Variants in SLC16A12 observed in about 807,000 individuals in gnomAD.
The protein encoded by SLC16A12 is monocarboxylate transporter 12.
A neutral mutation model predicts 42.4 loss-of-function variants in SLC16A12; 17 were observed. The observed-to-expected ratio is 0.40, with a 90% CI of 0.27 to 0.60. The LOEUF (loss-of-function observed/expected upper bound fraction) is 0.60, where lower values mean the gene tolerates loss of function less well. Ranked by LOEUF, SLC16A12 falls within the 20% of genes least tolerant of loss-of-function variation. The probability of loss-of-function intolerance (pLI) is 0.42; values close to 1 mark genes in which losing one functional copy is unlikely to be tolerated. For synonymous variants in SLC16A12, 224 were observed against 229.4 expected (o/e 0.98, Z 0.21); for missense variants, 544 against 623.0 (o/e 0.87, Z 1.35).
rs1843430434 is a variant in SLC16A12, at chr10:89,525,242, A to G, written c.-47+9259T>C. On this transcript the variant is annotated intron_variant, in intron 2 of 7. Coordinates refer to ENST00000371790, the MANE Select transcript of SLC16A12 (RefSeq NM_213606.4). ...TATCAAAAAAAAAAAAAAAAAAAAA[A>G]AAAGCTAAACTGAAATTTCACCTTA... Among the ~76,000 whole-genome samples, 2 of 151,708 alleles carry G rather than the reference A, an allele frequency of 1.3e-5. 1 individual carries two copies. The highest frequency in any genetic ancestry group is 4.2e-4 in the South Asian group (2 of 4,804).
At chr10:89,555,479 A>ATATATACGTATATATACG (rs1346352982) in intron 2 of SLC16A12, among the ~76,000 whole-genome samples, 2 of 147,306 alleles carry the variant, frequency 1.4e-5, no homozygotes, top group South Asian at 2.1e-4. Context: ...ATATATGTGT[A>ATATATACGTATATATACG]TATATACGTA....
chr10:89,528,164 G>T (rs1348260835), intron 2 of SLC16A12, among the ~76,000 whole-genome samples: 1 of 152,128 alleles, frequency 6.6e-6, no homozygotes, highest in Non-Finnish European at 1.5e-5. Context: ...TAAGGCCACT[G>T]CACTCCAGCC....
chr10:89,442,072 T>C (rs1841921428), intron 4 of SLC16A12, among the ~76,000 whole-genome samples: 1 of 152,164 alleles, frequency 6.6e-6, no homozygotes, highest in African/African-American at 2.4e-5. Flanking sequence ...TAAGGAAAAA[T>C]TCATGCTGAC....
upstream of SLC16A12, among the ~76,000 whole-genome samples, chr10:89,536,573 G>C (rs1468757425): frequency 6.6e-6 from 1 of 152,014 alleles, no homozygotes; most frequent in Middle Eastern, 3.2e-3. Context: ...CGTAGGACAG[G>C]TTCCAGGCGA....
At chr10:89,511,450 AC>A (rs1225210311) in intron 2 of SLC16A12, among the ~76,000 whole-genome samples, 3 of 152,146 alleles carry the variant, frequency 2.0e-5, no homozygotes, top group African/African-American at 4.8e-5. Flanking sequence ...GAAACTGGAA[AC>A]CCATCATTCT....
intron 5 of SLC16A12, among the ~76,000 whole-genome samples, chr10:89,440,043 C>T (rs1221733215): frequency 7.8e-6 from 1 of 128,184 alleles, no homozygotes; most frequent in Non-Finnish European, 1.6e-5. Context: ...TGCACTCCAG[C>T]CTGAGGACCG....
chr10:89,476,081 T>G (rs533785700), intron 2 of SLC16A12, among the ~76,000 whole-genome samples: 2 of 152,218 alleles, frequency 1.3e-5, no homozygotes, highest in Non-Finnish European at 2.9e-5. Flanking sequence ...TCAATACTTG[T>G]GTAGTTCCAT....
chr10:89,551,779 C>A (rs572258306), intron 2 of SLC16A12, among the ~76,000 whole-genome samples: 1 of 152,136 alleles, frequency 6.6e-6, no homozygotes, highest in Non-Finnish European at 1.5e-5. Flanking sequence ...TGCCTTCTGC[C>A]ATGATTCTGA....
intron 2 of SLC16A12, among the ~76,000 whole-genome samples, chr10:89,493,494 C>CT (rs1429364771): frequency 2.0e-5 from 3 of 152,152 alleles, no homozygotes; most frequent in Non-Finnish European, 4.4e-5. Flanking sequence ...AATGAATTCG[C>CT]TTTTTACTTT....
At chr10:89,448,691 T>C (rs1462625649) in intron 3 of SLC16A12, among the ~76,000 whole-genome samples, 2 of 152,174 alleles carry the variant, frequency 1.3e-5, no homozygotes, top group Non-Finnish European at 2.9e-5. Flanking sequence ...CTTTGAAAAC[T>C]GGCACAAGAC....
intron 2 of SLC16A12, among the ~76,000 whole-genome samples, chr10:89,531,898 T>C (rs2133871621): frequency 6.6e-6 from 1 of 152,354 alleles, no homozygotes; most frequent in African/African-American, 2.4e-5. Context: ...CTGCCTGCTC[T>C]CTCTTCTTCC....
intron 3 of SLC16A12, among the ~76,000 whole-genome samples, chr10:89,448,217 C>T (rs1405242634): frequency 6.6e-6 from 1 of 152,118 alleles, no homozygotes; most frequent in Admixed American, 6.5e-5. Flanking sequence ...TGAAACTATT[C>T]CAATCAGGAG....
intron 2 of SLC16A12, among the ~76,000 whole-genome samples, chr10:89,510,128 A>G (rs529013897): frequency 6.6e-6 from 1 of 152,364 alleles, no homozygotes; most frequent in Non-Finnish European, 1.5e-5. Flanking sequence ...ATGGATAGGA[A>G]GGATCAATAT....
intron 2 of SLC16A12, among the ~76,000 whole-genome samples, chr10:89,519,346 CATGT>C (rs1289844931): frequency 6.6e-6 from 1 of 151,994 alleles, no homozygotes; most frequent in Admixed American, 6.6e-5. Flanking sequence ...CAAACCTGCA[CATGT>C]ATCCCCTAAA....
chr10:89,543,397 A>T (rs1362319172), intron 2 of SLC16A12, among the ~76,000 whole-genome samples: 2 of 152,250 alleles, frequency 1.3e-5, no homozygotes, highest in African/African-American at 4.8e-5. Context: ...TTCACGGCTT[A>T]GCTCCCCCTC....
At chr10:89,518,156 G>C (rs1843286833) in intron 2 of SLC16A12, among the ~76,000 whole-genome samples, 1 of 152,210 alleles carries the variant, frequency 6.6e-6, no homozygotes, top group East Asian at 1.9e-4. Flanking sequence ...GGCAGTCCCT[G>C]GGCCTCCATG....
At chr10:89,493,219 CTTTTT>C (rs35163833) in intron 2 of SLC16A12, among the ~76,000 whole-genome samples, 2 of 140,584 alleles carry the variant, frequency 1.4e-5, no homozygotes. Flanking sequence ...TTTTTTCTTT[CTTTTT>C]TTTTTTTTTT....
intron 2 of SLC16A12, among the ~76,000 whole-genome samples, chr10:89,519,641 GA>G (rs1223684073): frequency 6.6e-6 from 1 of 151,878 alleles, no homozygotes; most frequent in East Asian, 1.9e-4. Flanking sequence ...GAGACTTTAT[GA>G]ACTAATAGGC....
In SLC16A12 at chr10:89,464,619, T is replaced by C. The variant is rs147548318; in HGVS notation, c.-46-1995A>G. On this transcript the variant is annotated intron_variant, in intron 2 of 7. Coordinates refer to ENST00000371790, the MANE Select transcript of SLC16A12 (RefSeq NM_213606.4). ...AGACTATGTACCACCTGGTAAATTA[T>C]GGGCAAAATAAATTGTCTAATAAAA... is the stretch of plus-strand genomic sequence containing the variant. 4.5e-4 allele frequency among the ~76,000 whole-genome samples: 69 copies of C among 152,332 alleles called. 1 individual carries two copies. The highest frequency in any genetic ancestry group is 1.6e-3 in the African/African-American group (67 of 41,580).
Sources: gnomAD v4.1 joint callset for allele counts (sites outside exome capture counted in the v4.1 genomes callset) on GRCh38, gnomAD v4.1.1 for gene constraint, MANE v1.5 for transcripts, NCBI Gene and HGNC (gene_info 2026-07-23, HGNC 2026-07-21) for gene names.